Variants in SCD5 observed in about 807,000 individuals in gnomAD.
SCD5 encodes stearoyl-CoA desaturase 5.
In SCD5, 20 loss-of-function variants were observed where a neutral mutation model predicts 30.4. That is an observed-to-expected ratio of 0.66 (90% CI 0.46 to 0.96). SCD5 has a LOEUF of 0.96. Ranked by LOEUF, SCD5 falls within the 40% of genes least tolerant of loss-of-function variation. The pLI is 0.00. For missense variants in SCD5, 381 were observed against 443.3 expected (o/e 0.86, Z 1.26); for synonymous variants, 173 against 176.4 (o/e 0.98, Z 0.16).
chr4:82,661,423 T>G (rs1386641133), intron 3 of SCD5, among the ~76,000 whole-genome samples: 3 of 152,246 alleles, frequency 2.0e-5, no homozygotes, highest in Non-Finnish European at 4.4e-5. Flanking sequence ...CATAATACAT[T>G]GCTGTCAGCA....
chr4:82,674,805 G>A (rs1291330208), intron 3 of SCD5, among the ~76,000 whole-genome samples: 1 of 152,122 alleles, frequency 6.6e-6, no homozygotes. Context: ...AAAGAAATGA[G>A]CTATGAAGTC....
chr4:82,741,147 T>G (rs1231944273), intron 1 of SCD5, among the ~76,000 whole-genome samples: 3 of 150,642 alleles, frequency 2.0e-5, no homozygotes, highest in African/African-American at 7.3e-5. Context: ...CCATGTTGCC[T>G]AGGCTGGTCT....
At chr4:82,784,655 G>C (rs1168553722) in intron 1 of SCD5, among the ~76,000 whole-genome samples, 1 of 152,156 alleles carries the variant, frequency 6.6e-6, no homozygotes, top group African/African-American at 2.4e-5. Context: ...TTCTTTACAT[G>C]GTTTCGGGAC....
intron 3 of SCD5, among the ~76,000 whole-genome samples, chr4:82,640,072 C>T (rs182287287): frequency 7.6e-4 from 115 of 152,292 alleles, no homozygotes; most frequent in African/African-American, 2.7e-3. Context: ...AGGCCGAGGC[C>T]CGCTCTGGCT....
intron 1 of SCD5, among the ~76,000 whole-genome samples, chr4:82,745,950 T>C (rs897045954): frequency 1.3e-5 from 2 of 152,236 alleles, no homozygotes; most frequent in African/African-American, 4.8e-5. Flanking sequence ...ATGCTTCAGT[T>C]TCTTTGTTTG....
At chr4:82,644,223 C>T (rs1727597147) in intron 3 of SCD5, among the ~76,000 whole-genome samples, 2 of 152,142 alleles carry the variant, frequency 1.3e-5, no homozygotes, top group Non-Finnish European at 1.5e-5. Context: ...CAGAGAAGCC[C>T]GTTGTCCAGG....
intron 3 of SCD5, among the ~76,000 whole-genome samples, chr4:82,646,121 C>T (rs185090519): frequency 6.6e-6 from 1 of 152,282 alleles, no homozygotes; most frequent in East Asian, 1.9e-4. Context: ...GAAATTACAG[C>T]CCCACAAATG....
At chr4:82,710,432 G>A (rs1339084232) in intron 1 of SCD5, among the ~76,000 whole-genome samples, 1 of 151,886 alleles carries the variant, frequency 6.6e-6, no homozygotes, top group Non-Finnish European at 1.5e-5. Context: ...CACTCCACCC[G>A]CCCCACCTCC....
intron 3 of SCD5, among the ~76,000 whole-genome samples, chr4:82,649,367 C>A (rs1164897594): frequency 6.6e-6 from 1 of 152,078 alleles, no homozygotes; most frequent in African/African-American, 2.4e-5. Flanking sequence ...ATTTTTATCT[C>A]CAATCACCCC....
At chr4:82,645,239 G>A (rs1345347015) in intron 3 of SCD5, among the ~76,000 whole-genome samples, 4 of 152,032 alleles carry the variant, frequency 2.6e-5, no homozygotes, top group Admixed American at 6.6e-5. Flanking sequence ...GCTTGAACCC[G>A]GGAGGTGGAG....
chr4:82,727,994 C>T (rs368845766), intron 1 of SCD5, among the ~76,000 whole-genome samples: 11 of 152,316 alleles, frequency 7.2e-5, no homozygotes, highest in Admixed American at 2.6e-4. Flanking sequence ...CAGGCATGAG[C>T]CACCATGCCC....
At chr4:82,670,361 A>T (rs1409677902) in intron 3 of SCD5, among the ~76,000 whole-genome samples, 1 of 152,216 alleles carries the variant, frequency 6.6e-6, no homozygotes, top group Non-Finnish European at 1.5e-5. Flanking sequence ...AAAATGCTGT[A>T]ACAGAAGTGA....
chr4:82,708,939 T>C (rs1288290219), intron 1 of SCD5, among the ~76,000 whole-genome samples: 1 of 152,244 alleles, frequency 6.6e-6, no homozygotes, highest in African/African-American at 2.4e-5. Context: ...GAGCTTTCTA[T>C]GTGCCAGGCC....
intron 1 of SCD5, among the ~76,000 whole-genome samples, chr4:82,757,645 A>ATCCCGGC (rs1721261871): frequency 6.6e-6 from 1 of 152,212 alleles, no homozygotes; most frequent in South Asian, 2.1e-4. Context: ...CTGGGCACAT[A>ATCCCGGC]TCCCGGCTCC....
At chr4:82,736,592 G>C (rs1720757293) in intron 1 of SCD5, among the ~76,000 whole-genome samples, 1 of 139,546 alleles carries the variant, frequency 7.2e-6, no homozygotes, top group Non-Finnish European at 1.6e-5. Flanking sequence ...TGGGGGACAA[G>C]AGTGAGACTT....
At chr4:82,725,436 C>T (rs1720448706) in intron 1 of SCD5, among the ~76,000 whole-genome samples, 1 of 152,216 alleles carries the variant, frequency 6.6e-6, no homozygotes, top group Non-Finnish European at 1.5e-5. Flanking sequence ...ACTATACCAG[C>T]ACCTTCCACT....
intron 2 of SCD5, chr4:82,691,794 G>A (rs1182025624): frequency 6.5e-6 from 1 of 152,806 alleles, no homozygotes; most frequent in African/African-American, 2.4e-5. Flanking sequence ...GTTTCCTAAA[G>A]GGAAGCTGGG....
At chr4:82,668,505 A>G (rs4693480) in intron 3 of SCD5, among the ~76,000 whole-genome samples, 143,671 of 152,326 alleles carry the variant, frequency 0.94, 67,868 homozygotes, top group East Asian at 1. Flanking sequence ...CTTGAACATC[A>G]CCTGACATAT....
chr4:82,641,253 CAAAAAAAAAAAAA>C (rs10708492), intron 3 of SCD5, among the ~76,000 whole-genome samples: 874 of 52,328 alleles, frequency 0.017, 18 homozygotes, highest in Middle Eastern at 0.056. Flanking sequence ...AACTCCATCT[CAAAAAAAAAAAAA>C]AAAAAAAAAA....
Sources: allele counts gnomAD v4.1 joint callset (sites outside exome capture counted in the v4.1 genomes callset), GRCh38; gene constraint gnomAD v4.1.1; transcripts MANE v1.5; gene names NCBI Gene and HGNC (gene_info 2026-07-23, HGNC 2026-07-21).